Variants in MTA3 observed in about 807,000 individuals in gnomAD.
MTA3 encodes the protein metastasis associated 1 family member 3.
In MTA3, 34 loss-of-function variants were observed where a neutral mutation model predicts 83.5. The observed-to-expected ratio is 0.41, with a 90% CI of 0.31 to 0.54. MTA3 has a LOEUF of 0.54. Ranked by LOEUF, MTA3 falls within the 20% of genes least tolerant of loss-of-function variation. The pLI, the probability that MTA3 is intolerant of heterozygous loss-of-function variation, is 0.33. For missense variants in MTA3, 761 were observed against 726.4 expected (o/e 1.05, Z -0.55); for synonymous variants, 303 against 252.7 (o/e 1.20, Z -1.89).
At chr2:42,658,071 C>CAAAAAAAAAAAA (rs59628946) in intron 7 of MTA3, among the ~76,000 whole-genome samples, 8 of 51,930 alleles carry the variant, frequency 1.5e-4, no homozygotes, top group Admixed American at 6.2e-4. Flanking sequence ...GACTCTGTCT[C>CAAAAAAAAAAAA]AAAAAAAAAA....
chr2:42,545,176 G>C (rs183661091), intron 2 of MTA3, among the ~76,000 whole-genome samples: 50 of 152,200 alleles, frequency 3.3e-4, no homozygotes, highest in Non-Finnish European at 1.5e-5. Context: ...CCAGGAGTTT[G>C]AGGCCAGCCT....
intron 4 of MTA3, among the ~76,000 whole-genome samples, chr2:42,633,084 G>A (rs1686841514): frequency 6.6e-6 from 1 of 151,918 alleles, no homozygotes; most frequent in Admixed American, 6.6e-5. Flanking sequence ...CCAACATGGT[G>A]AAATCCTGTC....
chr2:42,540,594 G>A lies in MTA3; in HGVS notation c.-140-29843G>A, dbSNP rs896048245. Among the ~76,000 whole-genome samples the A allele has an allele frequency of 3.9e-5, 6 of 152,056 alleles. No individual in the cohort carries two copies. The South Asian group carries it at 1.2e-3, about 32-fold the overall frequency. ...TCACACCTCTAATCCCAGGCCTTTG[G>A]AAGGCCGAGGCAGGAGGATCGCTTG... On this transcript the variant is annotated intron_variant, in intron 2 of 17. Coordinates refer to the MTA3 transcript ENST00000405592.
At chr2:42,562,729 A>C (rs1313849653) in intron 2 of MTA3, among the ~76,000 whole-genome samples, 1 of 152,136 alleles carries the variant, frequency 6.6e-6, no homozygotes, top group East Asian at 1.9e-4. Context: ...CTTATTCCTT[A>C]GATTGGCTGG....
chr2:42,669,105 G>T (rs62142748), intron 8 of MTA3, among the ~76,000 whole-genome samples: 1 of 146,186 alleles, frequency 6.8e-6, no homozygotes, highest in Non-Finnish European at 1.5e-5. Flanking sequence ...TTTTTTTTGG[G>T]AGGTAGTCTC....
At chr2:42,498,519 G>A (rs1674246971) in intron 2 of MTA3, among the ~76,000 whole-genome samples, 1 of 152,292 alleles carries the variant, frequency 6.6e-6, no homozygotes, top group African/African-American at 2.4e-5. Context: ...CAGCAGGCTT[G>A]GGGGAAAAGC....
chr2:42,497,642 C>G (rs1350620052), intron 2 of MTA3, among the ~76,000 whole-genome samples: 1 of 151,852 alleles, frequency 6.6e-6, no homozygotes, highest in East Asian at 1.9e-4. Context: ...CAAACCCTGG[C>G]TGTATAACTC....
intron 16 of MTA3, among the ~76,000 whole-genome samples, chr2:42,746,329 G>GA (rs1014477020): frequency 2.0e-5 from 3 of 152,086 alleles, no homozygotes; most frequent in African/African-American, 7.2e-5. Context: ...CTATTAAGGG[G>GA]AAAAAACACA....
intron 9 of MTA3, among the ~76,000 whole-genome samples, chr2:42,684,004 ATGATT>A (rs1692163444): frequency 6.6e-6 from 1 of 152,204 alleles, no homozygotes; most frequent in African/African-American, 2.4e-5. Flanking sequence ...ATACAATATG[ATGATT>A]TGATATACAT....
intron 2 of MTA3, among the ~76,000 whole-genome samples, chr2:42,527,998 C>A (rs534273691): frequency 4.4e-4 from 67 of 152,132 alleles, no homozygotes; most frequent in Non-Finnish European, 8.7e-4. Context: ...AATCTCAGTT[C>A]ACTGCAGTCT....
upstream of MTA3, among the ~76,000 whole-genome samples, chr2:42,565,532 G>A (rs74710145): frequency 0.012 from 1,899 of 152,132 alleles, 38 homozygotes; most frequent in African/African-American, 0.043. Context: ...CCTTGTATGT[G>A]GTTCTTTAAT....
intron 5 of MTA3, among the ~76,000 whole-genome samples, chr2:42,642,797 ACCACAC>A (rs1687813145): frequency 9.5e-5 from 1 of 10,502 alleles, no homozygotes; most frequent in Non-Finnish European, 1.7e-4. Flanking sequence ...GGTGCCTGCC[ACCACAC>A]CCGGCTGATT....
At chr2:42,583,105 G>A (rs1679858501) in intron 3 of MTA3, among the ~76,000 whole-genome samples, 1 of 152,154 alleles carries the variant, frequency 6.6e-6, no homozygotes, top group South Asian at 2.1e-4. Context: ...CACCCATGTT[G>A]ATGTGAGGAT....
At chr2:42,693,399 G>C (rs1693090684) in intron 9 of MTA3, among the ~76,000 whole-genome samples, 1 of 152,208 alleles carries the variant, frequency 6.6e-6, no homozygotes, top group Non-Finnish European at 1.5e-5. Context: ...AAAAACCTTA[G>C]AAATTTGCCT....
chr2:42,505,306 C>T (rs1674582640), intron 2 of MTA3, among the ~76,000 whole-genome samples: 1 of 152,098 alleles, frequency 6.6e-6, no homozygotes, highest in Admixed American at 6.6e-5. Context: ...GCAGGAGAAT[C>T]GCTTGAACCT....
At chr2:42,688,363 C>T (rs541123992) in intron 9 of MTA3, among the ~76,000 whole-genome samples, 2 of 152,144 alleles carry the variant, frequency 1.3e-5, no homozygotes, top group African/African-American at 2.4e-5. Context: ...GGATTATAGG[C>T]GTGAGCCACT....
At chr2:42,554,880 C>T (rs147038295) in intron 2 of MTA3, among the ~76,000 whole-genome samples, 313 of 152,266 alleles carry the variant, frequency 2.1e-3, no homozygotes, top group Non-Finnish European at 3.4e-3. Context: ...TACTACCCTT[C>T]TTCCAGCTGA....
At chr2:42,511,226 T>C (rs936696867) in intron 2 of MTA3, among the ~76,000 whole-genome samples, 1 of 152,164 alleles carries the variant, frequency 6.6e-6, no homozygotes, top group Non-Finnish European at 1.5e-5. Context: ...ATAATTGATA[T>C]ACTCTTCAAC....
chr2:42,755,489 G>A lies in MTA3; in HGVS notation c.*2090G>A, dbSNP rs80264468. Reference sequence around the variant, plus strand: ...AAAGCGCAGCTTGTTCGAGCCACGTGTGCCAAGCAGGCTTTTCCTTCCTCT... The same window carrying A: ...AAAGCGCAGCTTGTTCGAGCCACGTATGCCAAGCAGGCTTTTCCTTCCTCT... On this transcript the variant is annotated 3_prime_UTR_variant, in exon 17 of 17. Transcript: ENST00000405094. 8,389 of 985,486 alleles carry A rather than the reference G, an allele frequency of 8.5e-3. 51 individuals are homozygous for A. Among genetic ancestry groups the A allele is most frequent in the Middle Eastern group, 9.4e-3 (18 of 1,914 alleles). 61.0% of individuals were successfully genotyped at this position (985,486 alleles called of 1,614,324 possible). A position where few individuals can be genotyped will look rare whatever the true frequency, so the allele number is the denominator to read the frequency against.
Sources: gnomAD v4.1 joint callset for allele counts (sites outside exome capture counted in the v4.1 genomes callset) on GRCh38, gnomAD v4.1.1 for gene constraint, MANE v1.5 for transcripts, NCBI Gene and HGNC (gene_info 2026-07-23, HGNC 2026-07-21) for gene names.